PCDHGA9: variants seen among roughly 807,000 people sequenced by gnomAD.
The protein encoded by PCDHGA9 is protocadherin gamma-A9.
In PCDHGA9, 37 loss-of-function variants were observed where a neutral mutation model predicts 62.5. The ratio of observed to expected loss-of-function variants is 0.59; its 90% CI spans 0.46 to 0.78. PCDHGA9 has a LOEUF of 0.78. Among genes scored for constraint, PCDHGA9 ranks in the 30% least tolerant of loss-of-function variants. The probability of loss-of-function intolerance (pLI) is 0.00; values close to 1 mark genes in which losing one functional copy is unlikely to be tolerated. For synonymous variants in PCDHGA9, 459 were observed against 484.6 expected (o/e 0.95, Z 0.69); for missense variants, 1,138 against 1,166.2 (o/e 0.98, Z 0.35).
chr5:141,429,395 A>AAT (rs2097212201), intron 1 of PCDHGA9, among the ~76,000 whole-genome samples: 7 of 152,008 alleles, frequency 4.6e-5, no homozygotes, highest in African/African-American at 1.7e-4. Flanking sequence ...TTTAAAAAAA[A>AAT]TTGAGATTAA....
At chr5:141,419,739 G>A (rs200899065) in intron 1 of PCDHGA9, 179 of 1,613,652 alleles carry the variant, frequency 1.1e-4, no homozygotes, top group Admixed American at 2.5e-4. Context: ...GGCGAGGTGC[G>A]CATGGTGCGT....
chr5:141,506,544 G>GT (rs2099854759), intron 3 of PCDHGA9, among the ~76,000 whole-genome samples: 1 of 151,880 alleles, frequency 6.6e-6, no homozygotes, highest in Non-Finnish European at 1.5e-5. Flanking sequence ...GAGTCCTTAG[G>GT]TAAGTTATTA....
intron 1 of PCDHGA9, among the ~76,000 whole-genome samples, chr5:141,472,677 C>T (rs1275941416): frequency 6.6e-6 from 1 of 151,658 alleles, no homozygotes; most frequent in Non-Finnish European, 1.5e-5. Context: ...ACTGGTCCTT[C>T]CATTTCCCCT....
At chr5:141,510,378 C>T (rs919650449) in intron 3 of PCDHGA9, among the ~76,000 whole-genome samples, 1 of 151,688 alleles carries the variant, frequency 6.6e-6, no homozygotes, top group African/African-American at 2.4e-5. Flanking sequence ...TCTACTCGTG[C>T]CAGGCCTTGC....
At chr5:141,428,437 C>A in intron 1 of PCDHGA9, 1 of 400,386 alleles carries the variant, frequency 2.5e-6, no homozygotes, top group South Asian at 2.4e-5. Flanking sequence ...TAAGACTAGA[C>A]CAGGGGTTTT....
intron 1 of PCDHGA9, among the ~76,000 whole-genome samples, chr5:141,484,764 A>G (rs1469048336): frequency 6.6e-6 from 1 of 151,806 alleles, no homozygotes; most frequent in African/African-American, 2.4e-5. Flanking sequence ...ATATATATAT[A>G]TGTTGTCTGC....
intron 1 of PCDHGA9, chr5:141,423,473 C>A: frequency 6.2e-7 from 1 of 1,614,010 alleles, no homozygotes; most frequent in Non-Finnish European, 8.5e-7. Flanking sequence ...GGGGTACAGG[C>A]TTTCCTGCAA....
At chr5:141,464,413 A>G (rs2099083422) in intron 1 of PCDHGA9, among the ~76,000 whole-genome samples, 1 of 151,632 alleles carries the variant, frequency 6.6e-6, no homozygotes, top group African/African-American at 2.4e-5. Context: ...ATATATATAT[A>G]TCTATATATA....
At chr5:141,427,470 G>A (rs765970767) in intron 1 of PCDHGA9, 8 of 509,992 alleles carry the variant, frequency 1.6e-5, no homozygotes, top group African/African-American at 7.7e-5. Flanking sequence ...CGAATCTTCC[G>A]CCAATAATGA....
At chr5:141,427,997 A>C (rs1471083920) in intron 1 of PCDHGA9, 2 of 1,600,232 alleles carry the variant, frequency 1.2e-6, no homozygotes, top group African/African-American at 2.7e-5. Flanking sequence ...ATGGCTCCGC[A>C]CTCTTCGATA....
intron 3 of PCDHGA9, among the ~76,000 whole-genome samples, chr5:141,506,567 T>G (rs2099855029): frequency 6.6e-6 from 1 of 152,182 alleles, no homozygotes; most frequent in Non-Finnish European, 1.5e-5. Flanking sequence ...CCCCCTCGGT[T>G]TCACTTACTA....
chr5:141,418,670 G>T (rs767728571), intron 1 of PCDHGA9: 2 of 1,614,042 alleles, frequency 1.2e-6, no homozygotes, highest in Non-Finnish European at 1.7e-6. Context: ...TGACCAGGAC[G>T]AGGGCATCAA....
At chr5:141,422,897 A>AT (rs778069795) in intron 1 of PCDHGA9, 4 of 1,614,212 alleles carry the variant, frequency 2.5e-6, no homozygotes, top group Non-Finnish European at 3.4e-6. Flanking sequence ...CTGGACCAGA[A>AT]CGACAATGCG....
At chr5:141,454,567 C>T (rs572130062) in intron 1 of PCDHGA9, among the ~76,000 whole-genome samples, 10 of 150,966 alleles carry the variant, frequency 6.6e-5, no homozygotes, top group South Asian at 2.1e-4. Context: ...CCACCACGCC[C>T]GGCTAATTTT....
At position 141,430,830 on chromosome 5, in the gene PCDHGA9, G is replaced by A. The variant is rs754181300; in HGVS notation, c.2424+25454G>A. The stretch of plus-strand genomic sequence containing the variant: ...CTGGGAATCCTCCTGGGGACTCTGT[G>A]GGAGACCGGATGCACCCAGATACGC... On this transcript the variant is annotated intron_variant, in intron 1 of 3. Coordinates refer to ENST00000573521, the MANE Select transcript of PCDHGA9 (RefSeq NM_018921.3). 8 of 1,554,850 alleles carry A rather than the reference G, an allele frequency of 5.1e-6. No homozygotes were observed. The East Asian group carries it at 1.6e-4, about 31-fold the overall frequency.
At position 141,404,550 on chromosome 5, in the gene PCDHGA9, C is replaced by A. The variant is rs372202008; in HGVS notation, c.1598C>A (p.Thr533Lys). 3 of 1,613,768 alleles carry A rather than the reference C, an allele frequency of 1.9e-6. No individual in the cohort carries two copies. Among genetic ancestry groups the A allele is most frequent in the Admixed American group, 1.7e-5 (1 of 60,024 alleles). The change falls in exon 1 of 4, where the codon ACG (threonine) becomes AAG (lysine). Residue 533 changes from threonine (T) to lysine (K), a missense_variant. Coordinates refer to ENST00000573521, the MANE Select transcript of PCDHGA9 (RefSeq NM_018921.3). ...TTTAGAGATTTGCAAATGCAGGTGA[C>A]GGCAAGTGACAGTGGAAGCCCACCA... ...EQFRDLQMQV[T>K]ASDSGSPPLS... is the part of the protein sequence containing the mutation.
In PCDHGA9 at chr5:141,489,372, G is replaced by A. The variant is rs1335356378; in HGVS notation, c.2425-5435G>A. 2 of 1,613,814 alleles carry A rather than the reference G, an allele frequency of 1.2e-6. No individual in the cohort carries two copies. Among genetic ancestry groups the A allele is most frequent in the Non-Finnish European group, 1.7e-6 (2 of 1,179,700 alleles). On this transcript the variant is annotated intron_variant, in intron 1 of 3. Transcript: ENST00000573521. The surrounding 1 kb of genome is among the most constrained non-coding windows in gnomAD (Gnocchi z 4.5). ...TGGAGGAGTCTGAGCCGGGGACGCT[G>A]GTGGGGAATGTTGCTCAGGATCTGG...
Position 141,404,278 on chromosome 5 carries a change from G to T in PCDHGA9, c.1326G>T (p.Val442=), listed in dbSNP as rs780738049. ...CAGAAATTCACATCACCCTGCAAGT[G>T]ACTGACATCAATGATAATCCACCTG... ...LSTEIHITLQ[V]TDINDNPPAF... Residue 442 remains valine (V), a synonymous_variant, in exon 1 of 4, where the codon GTG becomes GTT. Coordinates refer to ENST00000573521, the MANE Select transcript of PCDHGA9 (RefSeq NM_018921.3). 7 of 1,613,962 alleles carry T rather than the reference G, an allele frequency of 4.3e-6. No individual in the cohort carries two copies. Among genetic ancestry groups the T allele is most frequent in the Admixed American group, 3.3e-5 (2 of 60,024 alleles).
chr5:141,462,375 T>G (rs2099038282), intron 1 of PCDHGA9, among the ~76,000 whole-genome samples: 1 of 152,252 alleles, frequency 6.6e-6, no homozygotes, highest in Non-Finnish European at 1.5e-5. Context: ...TTCTATTCTT[T>G]TAAATTCGTT....
Sources: allele counts gnomAD v4.1 joint callset (sites outside exome capture counted in the v4.1 genomes callset), GRCh38; gene constraint gnomAD v4.1.1; non-coding constraint Gnocchi (gnomAD v3.1); transcripts MANE v1.5; gene names NCBI Gene and HGNC (gene_info 2026-07-23, HGNC 2026-07-21).